The following CPQ variants were observed in gnomAD, a reference collection of about 807,000 sequenced individuals.
The protein encoded by CPQ is carboxypeptidase Q, also known as Ser-Met dipeptidase.
In CPQ, 37 loss-of-function variants were observed where a neutral mutation model predicts 45.7. That is an observed-to-expected ratio of 0.81 (90% confidence interval 0.62 to 1.07). The LOEUF (loss-of-function observed/expected upper bound fraction) is 1.07, where lower values mean the gene tolerates loss of function less well. CPQ is among the 50% of genes least tolerant of loss of function. CPQ has a pLI of 0.00. For synonymous variants in CPQ, 186 were observed against 205.8 expected (o/e 0.90, Z 0.82); for missense variants, 537 against 572.9 (o/e 0.94, Z 0.64).
At chr8:96,848,465 T>G (rs1160380758) in intron 3 of CPQ, among the ~76,000 whole-genome samples, 1 of 152,248 alleles carries the variant, frequency 6.6e-6, no homozygotes, top group Non-Finnish European at 1.5e-5. Context: ...TAACTACCTA[T>G]CAAGCTGCTG....
At chr8:97,063,610 T>A (rs1011917948) in intron 6 of CPQ, among the ~76,000 whole-genome samples, 2 of 152,184 alleles carry the variant, frequency 1.3e-5, no homozygotes, top group Admixed American at 1.3e-4. Context: ...GGGCTTCACA[T>A]TTAAGTCTTT....
At chr8:97,029,012 T>G (rs1025960458) in intron 5 of CPQ, among the ~76,000 whole-genome samples, 1 of 152,190 alleles carries the variant, frequency 6.6e-6, no homozygotes, top group Non-Finnish European at 1.5e-5. Context: ...ATGATTTAAT[T>G]ACAATTAAGA....
chr8:97,086,205 A>G (rs1264262026), intron 7 of CPQ, among the ~76,000 whole-genome samples: 1 of 152,186 alleles, frequency 6.6e-6, no homozygotes, highest in African/African-American at 2.4e-5. Context: ...GAACCACACA[A>G]ATTTACCTGT....
At chr8:96,879,119 C>G (rs1812186155) in intron 3 of CPQ, among the ~76,000 whole-genome samples, 1 of 152,172 alleles carries the variant, frequency 6.6e-6, no homozygotes, top group Non-Finnish European at 1.5e-5. Flanking sequence ...TAAGAAGCAT[C>G]TAGAAATTAA....
At chr8:96,709,253 C>T (rs1185237251) in intron 1 of CPQ, among the ~76,000 whole-genome samples, 2 of 152,030 alleles carry the variant, frequency 1.3e-5, no homozygotes, top group East Asian at 1.9e-4. Context: ...CTCTCCCACC[C>T]TCTCCGCTTC....
At chr8:96,780,552 A>G (rs1035531880) in intron 1 of CPQ, among the ~76,000 whole-genome samples, 12 of 152,146 alleles carry the variant, frequency 7.9e-5, no homozygotes, top group Non-Finnish European at 1.3e-4. Context: ...TAAAATCAAT[A>G]ATAACACATT....
chr8:96,898,994 G>A (rs1812479990), intron 4 of CPQ, among the ~76,000 whole-genome samples: 1 of 152,098 alleles, frequency 6.6e-6, no homozygotes, highest in African/African-American at 2.4e-5. Context: ...AACGTCAAAT[G>A]TGAAACAGAG....
At chr8:96,794,735 T>G (rs1014189754) in intron 2 of CPQ, among the ~76,000 whole-genome samples, 1 of 152,182 alleles carries the variant, frequency 6.6e-6, no homozygotes, top group African/African-American at 2.4e-5. Context: ...TTGAATGCTT[T>G]GCTGCTTAGA....
intron 7 of CPQ, among the ~76,000 whole-genome samples, chr8:97,073,653 A>G (rs975233809): frequency 2.0e-5 from 3 of 152,192 alleles, no homozygotes; most frequent in African/African-American, 7.2e-5. Flanking sequence ...ACGCTGAGAC[A>G]CTGAGGAGAG....
intron 1 of CPQ, among the ~76,000 whole-genome samples, chr8:96,757,467 C>T (rs1325423250): frequency 6.6e-6 from 1 of 150,896 alleles, no homozygotes; most frequent in African/African-American, 2.4e-5. Context: ...TAATAAAAAG[C>T]CTGAGGCCAA....
At chr8:97,106,168 T>C (rs1811400680) in intron 7 of CPQ, among the ~76,000 whole-genome samples, 1 of 152,332 alleles carries the variant, frequency 6.6e-6, no homozygotes, top group South Asian at 2.1e-4. Flanking sequence ...CCTTAATTTA[T>C]ATGTGAGAAT....
intron 1 of CPQ, among the ~76,000 whole-genome samples, chr8:96,745,830 G>T (rs1453758448): frequency 1.3e-5 from 2 of 152,192 alleles, no homozygotes; most frequent in Admixed American, 1.3e-4. Context: ...CCATCACTGG[G>T]CATTTCTAAA....
At chr8:97,096,737 G>A (rs1167850660) in intron 7 of CPQ, among the ~76,000 whole-genome samples, 2 of 152,192 alleles carry the variant, frequency 1.3e-5, no homozygotes, top group Non-Finnish European at 2.9e-5. Flanking sequence ...GAAGGCAAGA[G>A]GCCTTCATAG....
At chr8:96,681,525 G>A (rs2937271) in intron 1 of CPQ, among the ~76,000 whole-genome samples, 96,305 of 152,096 alleles carry the variant, frequency 0.63, 30,831 homozygotes, top group Non-Finnish European at 0.68. Context: ...ATGCCTGGCT[G>A]CACAGGCAGA....
intron 4 of CPQ, among the ~76,000 whole-genome samples, chr8:96,890,290 A>G (rs908147805): frequency 9.9e-5 from 15 of 152,246 alleles, no homozygotes; most frequent in Admixed American, 5.2e-4. Flanking sequence ...GGAAATATTC[A>G]CAACAATTAC....
chr8:96,771,277 T>A (rs1026073539), intron 1 of CPQ, among the ~76,000 whole-genome samples: 1 of 151,874 alleles, frequency 6.6e-6, no homozygotes, highest in Non-Finnish European at 1.5e-5. Context: ...TTACCTGGCT[T>A]CCCCATTGGA....
In CPQ at chr8:96,936,799, T is replaced by C. The variant is rs531006748; in HGVS notation, c.850-29136T>C. 5.3e-5 allele frequency among the ~76,000 whole-genome samples: 8 copies of C among 152,296 alleles called. No individual in the cohort carries two copies. The East Asian group carries it at 1.2e-3, about 22-fold the overall frequency. ...CACAATTTTATCACCCTGGCAGTTA[T>C]TGGTGGAGAGAAGGTTCTCAGTAAG... On this transcript the variant is annotated intron_variant, in intron 4 of 7. Transcript: ENST00000220763.
intron 7 of CPQ, chr8:97,092,516 C>T (rs760904156): frequency 2.0e-5 from 3 of 152,064 alleles, no homozygotes; most frequent in Non-Finnish European, 4.4e-5. Context: ...GAAATAAAGC[C>T]ACACACCTAC....
chr8:96,647,099 C>A (rs1211859663), intron 1 of CPQ, among the ~76,000 whole-genome samples: 1 of 152,174 alleles, frequency 6.6e-6, no homozygotes, highest in African/African-American at 2.4e-5. Context: ...TATCATAGAT[C>A]ACATTTTGGA....
Sources: gnomAD v4.1 joint callset for allele counts (sites outside exome capture counted in the v4.1 genomes callset) on GRCh38, gnomAD v4.1.1 for gene constraint, MANE v1.5 for transcripts, NCBI Gene and HGNC (gene_info 2026-07-23, HGNC 2026-07-21) for gene names.